CACNA2D4: variants seen among roughly 807,000 people sequenced by gnomAD.
CACNA2D4 encodes calcium voltage-gated channel auxiliary subunit alpha2delta 4.
A neutral mutation model predicts 163.8 loss-of-function variants in CACNA2D4; 157 were observed. The ratio of observed to expected loss-of-function variants is 0.96; its 90% CI spans 0.84 to 1.09. CACNA2D4 has a LOEUF of 1.09. Among genes scored for constraint, CACNA2D4 ranks in the 50% least tolerant of loss-of-function variants. The pLI is 0.00. For synonymous variants in CACNA2D4, 598 were observed against 586.9 expected (o/e 1.02, Z -0.27); for missense variants, 1,410 against 1,479.9 (o/e 0.95, Z 0.78).
chr12:1,859,236 A>ACTGT (rs1865470416), intron 19 of CACNA2D4, among the ~76,000 whole-genome samples: 1 of 151,950 alleles, frequency 6.6e-6, no homozygotes, highest in East Asian at 1.9e-4. Flanking sequence ...ACGCTCCTGT[A>ACTGT]CTGTCCCAGG....
intron 26 of CACNA2D4, among the ~76,000 whole-genome samples, chr12:1,812,444 C>T (rs1863742573): frequency 6.6e-6 from 1 of 152,184 alleles, no homozygotes; most frequent in Non-Finnish European, 1.5e-5. Flanking sequence ...AAATCTGGGA[C>T]AAAGAGCTCC....
intron 6 of CACNA2D4, among the ~76,000 whole-genome samples, chr12:1,895,340 C>T (rs1866377561): frequency 6.6e-6 from 1 of 151,942 alleles, no homozygotes; most frequent in African/African-American, 2.4e-5. Context: ...TATCAAAATA[C>T]CAATGCCATT....
In CACNA2D4 at chr12:1,844,519, TC is replaced by T; in HGVS notation, c.2352del (p.Thr785HisfsTer48). On this transcript the variant is annotated frameshift_variant, in exon 25 of 38. Transcript: ENST00000382722. LOFTEE classifies it high-confidence loss of function. The surrounding 1 kb of genome is among the most constrained non-coding windows in gnomAD (Gnocchi z 4.2). ...AACACGCTGGCCTCGTCCTCAGGTG[TC>T]AGGAACTTCCTGCAAGGAGGAAGAT... Reference protein sequence around the residue: ...GSEKVSDRKFLTPEDEASVFT... With the variant: ...GSEKVSDRKFXTPEDEASVFT... 1 of 1,612,592 alleles carries T rather than the reference TC, an allele frequency of 6.2e-7. No homozygotes were observed. Among genetic ancestry groups the T allele is most frequent in the Non-Finnish European group, 8.5e-7 (1 of 1,179,190 alleles).
chr12:1,795,296 C>T lies in CACNA2D4; in HGVS notation c.3309+3G>A. ...CCCACCCTCGATCCGCCTCAACCCG[C>T]ACCTCTGGATGGAAGGCGTGGCAGG... On this transcript the variant is annotated splice_donor_region_variant and intron_variant, in intron 37 of 37. Coordinates refer to ENST00000382722, the MANE Select transcript of CACNA2D4 (RefSeq NM_172364.5). 2 of 1,613,206 alleles carry T rather than the reference C, an allele frequency of 1.2e-6. No homozygotes were observed. Among genetic ancestry groups the T allele is most frequent in the Non-Finnish European group, 8.5e-7 (1 of 1,179,814 alleles).
chr12:1,914,661 G>A lies in CACNA2D4; in HGVS notation c.309+193C>T, dbSNP rs547301827. ...GACCTGACACAATGCTCTTGACCACGCCCCCGAACCACCCCCACTGCCCTG... is the reference window on the plus strand; with the variant it reads ...GACCTGACACAATGCTCTTGACCACACCCCCGAACCACCCCCACTGCCCTG... On this transcript the variant is annotated intron_variant, in intron 2 of 37. Coordinates refer to ENST00000382722, the MANE Select transcript of CACNA2D4 (RefSeq NM_172364.5). 5.3e-5 allele frequency among the ~76,000 whole-genome samples: 8 copies of A among 152,158 alleles called. No individual in the cohort carries two copies. In the South Asian group the frequency reaches 8.3e-4, roughly 16 times the overall value.
In CACNA2D4 at chr12:1,890,667, G is replaced by C. The variant is rs375839192; in HGVS notation, c.782-3598C>G. 9.2e-5 allele frequency among the ~76,000 whole-genome samples: 14 copies of C among 152,294 alleles called. 1 individual carries two copies. Among genetic ancestry groups the C allele is most frequent in the Admixed American group, 3.3e-4 (5 of 15,310 alleles). ...CCCCAACCCGAGCATTCCACCAGGG[G>C]CCAAGGGATCACCCCACCCTTGCCT... On this transcript the variant is annotated intron_variant, in intron 6 of 37. Transcript: ENST00000382722.
In CACNA2D4 at chr12:1,870,221, C is replaced by T. The variant is rs13353073; in HGVS notation, c.1878+4383G>A. ...ACTACACGTGCAAAAGCTGAGATCC[C>T]GTGTTGAGATCCTGCTCTGGAATCC... On this transcript the variant is annotated intron_variant, in intron 18 of 37. Transcript: ENST00000382722. Among the ~76,000 whole-genome samples, 1,231 of 152,242 alleles carry T rather than the reference C, an allele frequency of 8.1e-3. 20 individuals carry two copies. Among genetic ancestry groups the T allele is most frequent in the African/African-American group, 0.028 (1,173 of 41,548 alleles).
chr12:1,879,552 A>G (rs766580653), intron 14 of CACNA2D4, among the ~76,000 whole-genome samples: 6 of 152,206 alleles, frequency 3.9e-5, no homozygotes, highest in South Asian at 2.1e-4. Context: ...AGGGGTCCCA[A>G]CTGCAGAGCA....
In CACNA2D4 at chr12:1,793,596, C is replaced by T; in HGVS notation, c.*59G>A. The stretch of plus-strand genomic sequence containing the variant: ...TAGCTGCATCCCATGTCAGTGCTGA[C>T]TTTTTGGGATGGCTCTGGAAGGATC... On this transcript the variant is annotated 3_prime_UTR_variant, in exon 38 of 38. Transcript: ENST00000382722. 1.3e-6 allele frequency: 2 copies of T among 1,496,164 alleles called. No individual in the cohort carries two copies. The highest frequency in any genetic ancestry group is 1.4e-5 in the African/African-American group (1 of 72,818). 92.7% of individuals were successfully genotyped at this position (1,496,164 alleles called of 1,614,324 possible).
intron 6 of CACNA2D4, among the ~76,000 whole-genome samples, chr12:1,888,929 T>C (rs1389589377): frequency 1.3e-5 from 2 of 152,172 alleles, no homozygotes; most frequent in Non-Finnish European, 2.9e-5. Context: ...ACACATAGTA[T>C]TGGAACTGCA....
chr12:1,844,658 C>A lies in CACNA2D4; in HGVS notation c.2343-129G>T. On this transcript the variant is annotated intron_variant, in intron 24 of 37. Transcript: ENST00000382722. The surrounding 1 kb of genome is among the most constrained non-coding windows in gnomAD (Gnocchi z 4.2). ...TTTAGCCCCTAAATTAGTACGGCCC[C>A]AGACAATGCTTCCCAGCAATTCTCG... 1.1e-6 allele frequency: 1 copy of A among 893,438 alleles called. No homozygotes were observed. The highest frequency in any genetic ancestry group is 2.7e-5 in the East Asian group (1 of 37,632). The allele number at this position is 893,438 out of a possible 1,614,324, so 55.3% of individuals were successfully genotyped here. A position where few individuals can be genotyped will look rare whatever the true frequency, so the allele number is the denominator to read the frequency against.
At chr12:1,838,798 G>A (rs569760351) in intron 26 of CACNA2D4, among the ~76,000 whole-genome samples, 1 of 152,306 alleles carries the variant, frequency 6.6e-6, no homozygotes, top group South Asian at 2.1e-4. Context: ...CCCCCATCAC[G>A]TGGGAGCAGC....
At chr12:1,813,536 A>G (rs1863778851) in intron 26 of CACNA2D4, among the ~76,000 whole-genome samples, 1 of 152,158 alleles carries the variant, frequency 6.6e-6, no homozygotes, top group Non-Finnish European at 1.5e-5. Context: ...ATTTTAATTA[A>G]CTTAAATTTA....
In CACNA2D4 at chr12:1,871,029, G is replaced by A. The variant is rs372005673; in HGVS notation, c.1878+3575C>T. On this transcript the variant is annotated intron_variant, in intron 18 of 37. Transcript: ENST00000382722. ...GGCAAAGCTGCTCTGAATGCCAGCC[G>A]CTGGTGTGTGTGTGTATACGTGTGT... 1.1e-4 allele frequency among the ~76,000 whole-genome samples: 16 copies of A among 152,294 alleles called. 1 individual carries two copies. Among genetic ancestry groups the A allele is most frequent in the Admixed American group, 3.9e-4 (6 of 15,296 alleles).
At chr12:1,796,146 C>A (rs1183390644) in intron 35 of CACNA2D4, among the ~76,000 whole-genome samples, 1 of 152,212 alleles carries the variant, frequency 6.6e-6, no homozygotes, top group African/African-American at 2.4e-5. Flanking sequence ...GTGAGGGTGG[C>A]GGGGGCAGGC....
intron 18 of CACNA2D4, among the ~76,000 whole-genome samples, chr12:1,865,226 G>T (rs542797682): frequency 6.6e-6 from 1 of 152,340 alleles, no homozygotes; most frequent in African/African-American, 2.4e-5. Context: ...TGGAAATCTA[G>T]GCCTGGATCG....
At chr12:1,885,464 C>A (rs988317200) in intron 9 of CACNA2D4, among the ~76,000 whole-genome samples, 1 of 152,226 alleles carries the variant, frequency 6.6e-6, no homozygotes, top group Admixed American at 6.5e-5. Context: ...GGCAGAGGCC[C>A]GGCTTCAAGA....
At chr12:1,847,435 C>T (rs974251068) in intron 23 of CACNA2D4, among the ~76,000 whole-genome samples, 3 of 152,138 alleles carry the variant, frequency 2.0e-5, no homozygotes, top group Admixed American at 1.3e-4. Flanking sequence ...GGCTGGACTG[C>T]GGGGGTCTTC....
At position 1,814,079 on chromosome 12, in the gene CACNA2D4, C is replaced by T. The variant is rs149636532; in HGVS notation, c.2552-2356G>A. Among the ~76,000 whole-genome samples, 132 of 152,312 alleles carry T rather than the reference C, an allele frequency of 8.7e-4. 2 individuals carry two copies. The East Asian group carries it at 0.023, about 26-fold the overall frequency. On this transcript the variant is annotated intron_variant, in intron 26 of 37. Coordinates refer to ENST00000382722, the MANE Select transcript of CACNA2D4 (RefSeq NM_172364.5). ...CTACTGCTCAGAATGACCAGCTCTT[C>T]GGGATTGAAGAAAGCTTCCTTCATC...
Sources: allele counts gnomAD v4.1 joint callset (sites outside exome capture counted in the v4.1 genomes callset), GRCh38; gene constraint gnomAD v4.1.1; non-coding constraint Gnocchi (gnomAD v3.1); transcripts MANE v1.5; gene names NCBI Gene and HGNC (gene_info 2026-07-23, HGNC 2026-07-21).